The following TAF4B variants were observed in gnomAD, a reference collection of about 807,000 sequenced individuals.
TAF4B encodes TATA-box binding protein associated factor 4b.
A neutral mutation model predicts 86.4 loss-of-function variants in TAF4B; 38 were observed. The ratio of observed to expected loss-of-function variants is 0.44; its 90% CI spans 0.34 to 0.58. TAF4B has a LOEUF of 0.58. Among genes scored for constraint, TAF4B ranks in the 20% least tolerant of loss-of-function variants. TAF4B has a pLI of 0.02. For missense variants in TAF4B, 988 were observed against 1,027.6 expected, an observed-to-expected ratio of 0.96 and a Z score of 0.53; for synonymous variants, 388 against 391.2, an observed-to-expected ratio of 0.99 and a Z score of 0.10.
In TAF4B at chr18:26,363,276, C is replaced by G. The variant is rs1182020987; in HGVS notation, c.2421+5482C>G. ...TTAACTTTAAAGGCATTTTTGTTTT[C>G]AAAATGAGAGACAGGCTGGGTGCAG... On this transcript the variant is annotated intron_variant, in intron 14 of 14. Transcript: ENST00000269142. Among the ~76,000 whole-genome samples, 4 of 132,778 alleles carry G rather than the reference C, an allele frequency of 3.0e-5. No individual in the cohort carries two copies. The Admixed American group carries it at 3.6e-4, about 12-fold the overall frequency. The allele number at this position is 132,778 out of a possible 152,430, so 87.1% of individuals were successfully genotyped here.
intron 10 of TAF4B, among the ~76,000 whole-genome samples, chr18:26,318,324 C>T (rs2056931795): frequency 6.6e-6 from 1 of 151,542 alleles, no homozygotes; most frequent in African/African-American, 2.4e-5. Flanking sequence ...ATATGGAAAA[C>T]TTCAAGAATT....
Position 26,226,613 on chromosome 18 carries a change from C to T in TAF4B, c.-321C>T. Reference sequence around the variant, plus strand: ...ACCTTCCGGGAGCCGCAAGTCCAGGCTCCCCCGCAGCGGGACCCGAGCCTG... The same window carrying T: ...ACCTTCCGGGAGCCGCAAGTCCAGGTTCCCCCGCAGCGGGACCCGAGCCTG... On this transcript the variant is annotated 5_prime_UTR_variant, in exon 1 of 15. Transcript: ENST00000269142. 1 of 247,292 alleles carries T rather than the reference C, an allele frequency of 4.0e-6. No individual in the cohort carries two copies. The highest frequency in any genetic ancestry group is 7.7e-6 in the Non-Finnish European group (1 of 129,846). 15.3% of individuals were successfully genotyped at this position (247,292 alleles called of 1,614,324 possible).
chr18:26,273,813 T>C (rs1335091814), intron 3 of TAF4B, among the ~76,000 whole-genome samples: 1 of 152,216 alleles, frequency 6.6e-6, no homozygotes, highest in Non-Finnish European at 1.5e-5. Flanking sequence ...GAAGGAAATT[T>C]TCTTGAAGGT....
chr18:26,254,431 A>G (rs1405940723), intron 1 of TAF4B, among the ~76,000 whole-genome samples: 1 of 152,164 alleles, frequency 6.6e-6, no homozygotes, highest in African/African-American at 2.4e-5. Context: ...TCAGACACCC[A>G]TTCTACACAG....
At chr18:26,340,429 T>C (rs1443512535) in intron 13 of TAF4B, among the ~76,000 whole-genome samples, 1 of 152,180 alleles carries the variant, frequency 6.6e-6, no homozygotes, top group Non-Finnish European at 1.5e-5. Context: ...AAGTACATTC[T>C]AGCAATCAAA....
intron 6 of TAF4B, among the ~76,000 whole-genome samples, chr18:26,284,295 G>A (rs2056484550): frequency 2.0e-5 from 3 of 152,204 alleles, no homozygotes; most frequent in Non-Finnish European, 1.5e-5. Flanking sequence ...AGGGAATGTT[G>A]TAGCTGGTTT....
intron 1 of TAF4B, among the ~76,000 whole-genome samples, chr18:26,240,033 C>CT (rs1218288724): frequency 6.6e-6 from 1 of 152,176 alleles, no homozygotes; most frequent in Non-Finnish European, 1.5e-5. Context: ...ATGCCTCCAG[C>CT]TTTGTTCTTT....
At position 26,251,376 on chromosome 18, in the gene TAF4B, A is replaced by AT. The variant is rs571116281; in HGVS notation, c.344-13788dup. 1.3e-3 allele frequency among the ~76,000 whole-genome samples: 201 copies of AT among 152,242 alleles called. 1 individual carries two copies. The highest frequency in any genetic ancestry group is 2.4e-3 in the Non-Finnish European group (161 of 68,024). On this transcript the variant is annotated intron_variant, in intron 1 of 14. Coordinates refer to ENST00000269142, the MANE Select transcript of TAF4B (RefSeq NM_005640.3). ...GCTCTTAGATTTGTAAGGATCTGCT[A>AT]TTTTTTCAGGGGCAGTATTTACAAA...
rs567009116 is a variant in TAF4B, at chr18:26,302,851, C to CT, written c.1832+9328dup. Among the ~76,000 whole-genome samples, 6 of 151,588 alleles carry CT rather than the reference C, an allele frequency of 4.0e-5. No individual in the cohort carries two copies. In the East Asian group the frequency reaches 1.2e-3, roughly 29 times the overall value. ...TATGTCATATATATATGGATCTTCT[C>CT]TTTTTTTTAATCTTTCTTTTTTTAA... On this transcript the variant is annotated intron_variant, in intron 9 of 14. Transcript: ENST00000269142.
intron 13 of TAF4B, among the ~76,000 whole-genome samples, chr18:26,337,062 T>G (rs1241715480): frequency 6.6e-6 from 1 of 152,220 alleles, no homozygotes; most frequent in Admixed American, 6.5e-5. Context: ...GTAGCAAACC[T>G]GTGTTTTTCT....
At chr18:26,285,511 A>G (rs917601410) in intron 6 of TAF4B, among the ~76,000 whole-genome samples, 3 of 151,984 alleles carry the variant, frequency 2.0e-5, no homozygotes, top group African/African-American at 7.2e-5. Flanking sequence ...AAAGTTACTT[A>G]ATGAAGAGAC....
intron 2 of TAF4B, chr18:26,266,029 C>T (rs1210320736): frequency 6.6e-6 from 1 of 152,240 alleles, no homozygotes; most frequent in African/African-American, 2.4e-5. Context: ...CCCGCCTCCG[C>T]CTCTCGAAGT....
chr18:26,387,894 C>G (rs1978471874), intron 14 of TAF4B, among the ~76,000 whole-genome samples: 1 of 152,178 alleles, frequency 6.6e-6, no homozygotes, highest in Non-Finnish European at 1.5e-5. Flanking sequence ...TAAAGTACCC[C>G]TAAGTCATGC....
intron 14 of TAF4B, among the ~76,000 whole-genome samples, chr18:26,372,303 C>T (rs2057410947): frequency 6.6e-6 from 1 of 152,192 alleles, no homozygotes; most frequent in Admixed American, 6.5e-5. Context: ...ATTACATTCC[C>T]ATTCACCTTG....
At chr18:26,291,056 A>G (rs766548267) in intron 7 of TAF4B, among the ~76,000 whole-genome samples, 1 of 152,194 alleles carries the variant, frequency 6.6e-6, no homozygotes, top group Non-Finnish European at 1.5e-5. Flanking sequence ...ATTAGTTGCT[A>G]TAGGATTACT....
chr18:26,327,501 A>G (rs986634101), intron 12 of TAF4B, among the ~76,000 whole-genome samples: 7 of 152,214 alleles, frequency 4.6e-5, no homozygotes, highest in Non-Finnish European at 8.8e-5. Context: ...GGGTAAAATT[A>G]GTAATTTGGA....
rs1567936455 is a variant in TAF4B at position 26,390,106 on chromosome 18, T to C, written c.*94T>C. On this transcript the variant is annotated 3_prime_UTR_variant, in exon 15 of 15. Coordinates refer to ENST00000269142, the MANE Select transcript of TAF4B (RefSeq NM_005640.3). The stretch of plus-strand genomic sequence containing the variant: ...TCCTGAAATTTCAATTTCTGGAAAA[T>C]AATCACCAACATGAAAGAGCATTGT... 5 of 1,300,402 alleles carry C rather than the reference T, an allele frequency of 3.8e-6. No individual in the cohort carries two copies. The East Asian group carries it at 7.2e-5, about 19-fold the overall frequency. 80.6% of individuals were successfully genotyped at this position (1,300,402 alleles called of 1,614,324 possible).
At chr18:26,255,669 G>A in intron 1 of TAF4B, 1 of 1,276,022 alleles carries the variant, frequency 7.8e-7, no homozygotes, top group Non-Finnish European at 1.1e-6. Flanking sequence ...GGTTTTTTTT[G>A]TTCCCCTTCT....
chr18:26,357,883 T>A, intron 14 of TAF4B, 89 bp downstream of exon 14: 1 of 826,034 alleles, frequency 1.2e-6, no homozygotes, highest in Non-Finnish European at 1.8e-6. Flanking sequence ...TACCCTGTTA[T>A]GCACGCTGTT....
Sources: gnomAD v4.1 joint callset for allele counts (sites outside exome capture counted in the v4.1 genomes callset) on GRCh38, gnomAD v4.1.1 for gene constraint, MANE v1.5 for transcripts, NCBI Gene and HGNC (gene_info 2026-07-23, HGNC 2026-07-21) for gene names.